The following RNF185 variants were observed in gnomAD, a reference collection of about 807,000 sequenced individuals.
RNF185 encodes ring finger protein 185.
In RNF185, 13 loss-of-function variants were observed where a neutral mutation model predicts 24.9. The observed-to-expected ratio is 0.52, with a 90% CI of 0.34 to 0.83. RNF185 has a LOEUF of 0.83. Ranked by LOEUF, RNF185 falls within the 40% of genes least tolerant of loss-of-function variation. The probability of loss-of-function intolerance (pLI) is 0.01; values close to 1 mark genes in which losing one functional copy is unlikely to be tolerated. For missense variants in RNF185, 184 were observed against 244.7 expected (o/e 0.75, Z 1.65); for synonymous variants, 79 against 90.3 (o/e 0.88, Z 0.71).
At chr22:31,173,270 C>CT (rs1398101437) in intron 1 of RNF185, among the ~76,000 whole-genome samples, 2 of 150,332 alleles carry the variant, frequency 1.3e-5, no homozygotes, top group South Asian at 2.1e-4. Context: ...AAAATTGACT[C>CT]TAAGTTATGT....
chr22:31,171,368 A>C (rs2047928110), intron 1 of RNF185, among the ~76,000 whole-genome samples: 1 of 148,990 alleles, frequency 6.7e-6, no homozygotes, highest in Admixed American at 6.7e-5. Flanking sequence ...TTTAGTAGAG[A>C]CAGGGTTTCA....
chr22:31,187,559 A>C (rs896337705), intron 2 of RNF185, among the ~76,000 whole-genome samples: 3 of 152,210 alleles, frequency 2.0e-5, no homozygotes, highest in Non-Finnish European at 4.4e-5. Flanking sequence ...GAGGCAGTAT[A>C]GCATAATGGT....
At chr22:31,163,063 C>T (rs1488275874) in intron 1 of RNF185, among the ~76,000 whole-genome samples, 2 of 152,100 alleles carry the variant, frequency 1.3e-5, no homozygotes, top group Non-Finnish European at 2.9e-5. Flanking sequence ...CACGTCTGGC[C>T]TGCTTTTTAC....
At chr22:31,189,569 T>C (rs1300299902) in intron 2 of RNF185, among the ~76,000 whole-genome samples, 3 of 151,820 alleles carry the variant, frequency 2.0e-5, no homozygotes, top group Non-Finnish European at 2.9e-5. Flanking sequence ...AGTGCTAGGA[T>C]TACAGGCGTG....
chr22:31,187,109 G>A lies in RNF185; in HGVS notation c.15G>A (p.Gly5=). MASK[G]PSASASPENS... ...GACAGCCAAGGATGGCAAGCAAGGG[G>A]CCCTCGGCCTCTGCATCTCCTGAGA... The change falls in exon 2 of 7, where the codon GGG becomes GGA. Residue 5 remains glycine, a synonymous_variant. Transcript: ENST00000326132. The A allele has an allele frequency of 6.2e-7, 1 of 1,606,890 alleles. No homozygotes were observed. The highest frequency in any genetic ancestry group is 8.5e-7 in the Non-Finnish European group (1 of 1,177,296).
chr22:31,164,742 A>C (rs1031247265), intron 1 of RNF185, among the ~76,000 whole-genome samples: 8 of 151,606 alleles, frequency 5.3e-5, no homozygotes, highest in African/African-American at 1.9e-4. Flanking sequence ...GTGTGCCACC[A>C]TGCCCAGCTG....
chr22:31,189,606 A>ATT (rs760179955), intron 2 of RNF185, among the ~76,000 whole-genome samples: 12 of 124,844 alleles, frequency 9.6e-5, no homozygotes, highest in Non-Finnish European at 6.9e-5. Flanking sequence ...CCTGTGTCAA[A>ATT]TTTTTTTTTT....
intron 5 of RNF185, 150 bp from the exon 6 acceptor site, chr22:31,201,348 A>G: frequency 1.5e-6 from 1 of 689,060 alleles, no homozygotes; most frequent in Non-Finnish European, 2.6e-6. Flanking sequence ...ATGGGAGGAA[A>G]AGCTGTCCCC....
At chr22:31,167,629 T>C (rs1924010668) in intron 1 of RNF185, among the ~76,000 whole-genome samples, 1 of 148,558 alleles carries the variant, frequency 6.7e-6, no homozygotes, top group Admixed American at 6.7e-5. Flanking sequence ...TTTTTTTTTT[T>C]TTGAGACAGT....
At chr22:31,177,404 C>T (rs1208644520) in intron 1 of RNF185, among the ~76,000 whole-genome samples, 1 of 152,106 alleles carries the variant, frequency 6.6e-6, no homozygotes, top group Non-Finnish European at 1.5e-5. Context: ...TCAGCCTTCT[C>T]TGTTCTTCTG....
chr22:31,199,618 C>T (rs543145922), intron 5 of RNF185, among the ~76,000 whole-genome samples: 11 of 152,274 alleles, frequency 7.2e-5, no homozygotes, highest in African/African-American at 1.9e-4. Flanking sequence ...GGAAGCAGAA[C>T]GGTTAGTCCT....
At chr22:31,202,577 A>C (rs2048273053) in intron 6 of RNF185, among the ~76,000 whole-genome samples, 1 of 149,652 alleles carries the variant, frequency 6.7e-6, no homozygotes, top group South Asian at 2.1e-4. Flanking sequence ...CTAGCTGAGG[A>C]ATCTCAGCAC....
intron 1 of RNF185, 58 bp from the exon 2 acceptor site, chr22:31,186,989 T>C (rs562242968): frequency 8.8e-5 from 106 of 1,202,212 alleles, no homozygotes; most frequent in South Asian, 6.2e-4. Context: ...AATGTTGGCA[T>C]GGAAGCTGGG....
chr22:31,204,047 G>GAA (rs34570885), intron 6 of RNF185, among the ~76,000 whole-genome samples: 10,379 of 111,814 alleles, frequency 0.093, 612 homozygotes, highest in East Asian at 0.44. Context: ...ACCTCAAAAA[G>GAA]AAAAAAAAAA....
At chr22:31,176,298 C>T (rs1330288050) in intron 1 of RNF185, among the ~76,000 whole-genome samples, 1 of 147,524 alleles carries the variant, frequency 6.8e-6, no homozygotes, top group African/African-American at 2.5e-5. Context: ...GTGCAGTGGG[C>T]TCGCTGCAGC....
rs780610930 is a variant in RNF185, at chr22:31,201,592, T to C, written c.458T>C (p.Ile153Thr). Reference sequence around the variant, plus strand: ...GGGATATTTGCCACAGCATTTAATATAAATGATGGGCGGCCTCCTCCAGGT... The same window carrying C: ...GGGATATTTGCCACAGCATTTAATACAAATGATGGGCGGCCTCCTCCAGGT... The part of the protein sequence containing the change: ...PFGIFATAFN[I>T]NDGRPPPAVP... The change falls in exon 6 of 7, where the codon ATA becomes ACA. Residue 153 changes from isoleucine to threonine, a missense_variant. Transcript: ENST00000326132. 10 of 1,610,862 alleles carry C rather than the reference T, an allele frequency of 6.2e-6. No homozygotes were observed. The highest frequency in any genetic ancestry group is 8.5e-6 in the Non-Finnish European group (10 of 1,177,860).
At chr22:31,169,748 A>G in intron 1 of RNF185, among the ~76,000 whole-genome samples, 1 of 152,112 alleles carries the variant, frequency 6.6e-6, no homozygotes, top group Non-Finnish European at 1.5e-5. Flanking sequence ...GGGTTTTGCC[A>G]TGTTACCCAG....
intron 2 of RNF185, among the ~76,000 whole-genome samples, chr22:31,191,169 C>G (rs8141987): frequency 0.48 from 73,321 of 151,824 alleles, 18,473 homozygotes; most frequent in Middle Eastern, 0.58. Context: ...GAGGAATGGT[C>G]GTTGTTATAA....
chr22:31,165,874 C>T (rs1201581723), intron 1 of RNF185, among the ~76,000 whole-genome samples: 1 of 152,220 alleles, frequency 6.6e-6, no homozygotes, highest in African/African-American at 2.4e-5. Context: ...AACTACAGTG[C>T]TCCTAGGCCT....
Sources: allele counts gnomAD v4.1 joint callset (sites outside exome capture counted in the v4.1 genomes callset), GRCh38; gene constraint gnomAD v4.1.1; transcripts MANE v1.5; gene names NCBI Gene and HGNC (gene_info 2026-07-23, HGNC 2026-07-21).